The following KCNC3 variants were observed in gnomAD, a reference collection of about 807,000 sequenced individuals.
The protein encoded by KCNC3 is voltage-gated potassium channel KCNC3.
Under a neutral mutation model 43.9 loss-of-function variants are expected in KCNC3, and 22 were observed. That is an observed-to-expected ratio of 0.50 (90% CI 0.36 to 0.72). KCNC3 has a LOEUF of 0.72. Among genes scored for constraint, KCNC3 ranks in the 30% least tolerant of loss-of-function variants. The pLI, the probability that KCNC3 is intolerant of heterozygous loss-of-function variation, is 0.00. For missense variants in KCNC3, 829 were observed against 1,073.8 expected (o/e 0.77, Z 3.19); for synonymous variants, 492 against 488.0 (o/e 1.01, Z -0.11).
upstream of KCNC3, among the ~76,000 whole-genome samples, chr19:50,331,612 C>T (rs1408950482): frequency 2.1e-5 from 3 of 141,844 alleles, no homozygotes; most frequent in African/African-American, 8.0e-5. Flanking sequence ...GTATTTCCCC[C>T]TCCTTCTTCC....
chr19:50,328,990 C>G lies in KCNC3; in HGVS notation c.93G>C (p.Pro31=). ...PAPPPQPPES[P]PPPPLPPQQQ... is the part of the protein sequence containing the mutation. ...GCTGCGGCGGCAGCGGTGGCGGCGG[C>G]GGGGACTCGGGCGGCTGCGGCGGTG... The change falls in exon 1 of 5, where the codon CCG becomes CCC. Residue 31 remains proline (P), a synonymous_variant. Coordinates refer to ENST00000477616, the MANE Select transcript of KCNC3 (RefSeq NM_004977.3). The G allele has an allele frequency of 6.1e-6, 7 of 1,147,510 alleles. No homozygotes were observed. Among genetic ancestry groups the G allele is most frequent in the South Asian group, 2.9e-5 (1 of 34,412 alleles). The allele number at this position is 1,147,510 out of a possible 1,614,324, so 71.1% of individuals were successfully genotyped here.
chr19:50,318,692 G>A (rs917848498), intron 4 of KCNC3, among the ~76,000 whole-genome samples: 4 of 152,096 alleles, frequency 2.6e-5, no homozygotes, highest in South Asian at 4.1e-4. Flanking sequence ...GTTAGTTTGC[G>A]GACCCCTTAC....
Position 50,320,584 on chromosome 19 carries a change from G to A in KCNC3, c.2170+9C>T, listed in dbSNP as rs1226195799. ...GGGTCCCAGGGGATCAGTAGGGGGG[G>A]CACCTCACCTTTTCGGATGGAGCCA... On this transcript the variant is annotated intron_variant, in intron 3 of 4. Transcript: ENST00000477616. 1 of 1,609,170 alleles carries A rather than the reference G, an allele frequency of 6.2e-7. No homozygotes were observed. Among genetic ancestry groups the A allele is most frequent in the Admixed American group, 1.7e-5 (1 of 59,588 alleles).
chr19:50,320,303 G>T lies in KCNC3; in HGVS notation c.2217C>A (p.Gly739=), dbSNP rs960960693. 5 of 820,110 alleles carry T rather than the reference G, an allele frequency of 6.1e-6. No individual in the cohort carries two copies. The highest frequency in any genetic ancestry group is 8.3e-6 in the Non-Finnish European group (5 of 604,780). 50.8% of individuals were successfully genotyped at this position (820,110 alleles called of 1,614,324 possible). ...PLPPQDWRKP[G]PPSFLPDLNA... ...TGAGGTCGGGCAAGAAGCTTGGGGG[G>T]CCTGGCTTACGCCAGTCTTGGGGGG... is the stretch of plus-strand genomic sequence containing the variant. Residue 739 remains glycine, a synonymous_variant, in exon 4 of 5, where the codon GGC becomes GGA. Coordinates refer to ENST00000477616, the MANE Select transcript of KCNC3 (RefSeq NM_004977.3).
Position 50,328,121 on chromosome 19 carries a change from C to G in KCNC3, c.870+92G>C, listed in dbSNP as rs1368235930. Reference sequence around the variant, plus strand: ...TAGGAGACTGAGAAGCCTAGAGGGACCCGGAGGGTTGGAGCTGGGGCGCTC... The same window carrying G: ...TAGGAGACTGAGAAGCCTAGAGGGAGCCGGAGGGTTGGAGCTGGGGCGCTC... On this transcript the variant is annotated intron_variant, in intron 1 of 4. Coordinates refer to ENST00000477616, the MANE Select transcript of KCNC3 (RefSeq NM_004977.3). 3.1e-6 allele frequency: 3 copies of G among 963,322 alleles called. No homozygotes were observed. The Admixed American group carries it at 1.8e-4, about 59-fold the overall frequency. The allele number at this position is 963,322 out of a possible 1,614,324, so 59.7% of individuals were successfully genotyped here.
At position 50,324,068 on chromosome 19, in the gene KCNC3, G is replaced by A; in HGVS notation, c.885C>T (p.Ala295=). ...TGGAGATGAGGATGAAGAAGAGGGA[G>A]GCGAAGGCCACATACTGCAGGGCAG... ...SSRAARYVAF[A]SLFFILISIT... is the part of the protein sequence containing the mutation. The change falls in exon 2 of 5, where the codon GCC becomes GCT. Residue 295 remains alanine (A), a synonymous_variant. Coordinates refer to ENST00000477616, the MANE Select transcript of KCNC3 (RefSeq NM_004977.3). The surrounding 1 kb of genome is among the most constrained non-coding windows in gnomAD (Gnocchi z 4.1). 1 of 1,597,826 alleles carries A rather than the reference G, an allele frequency of 6.3e-7. No homozygotes were observed. The highest frequency in any genetic ancestry group is 8.5e-7 in the Non-Finnish European group (1 of 1,170,948).
chr19:50,320,612 A>G lies in KCNC3; in HGVS notation c.2151T>C (p.Pro717=), dbSNP rs2037018502. Residue 717 remains proline, a synonymous_variant, in exon 3 of 5, where the codon CCT becomes CCC. Transcript: ENST00000477616. ...CCTCACCTTTTCGGATGGAGCCATC[A>G]GGGGAAGGGGCATAGTCGGTGAGGA... is the stretch of plus-strand genomic sequence containing the variant. ...CFLLTDYAPS[P]DGSIRKATGA... 4.3e-6 allele frequency: 7 copies of G among 1,612,292 alleles called. No homozygotes were observed. The highest frequency in any genetic ancestry group is 5.9e-6 in the Non-Finnish European group (7 of 1,179,686).
In KCNC3 at chr19:50,314,770, A is replaced by T. The variant is rs1239294818; in HGVS notation, c.*1345T>A. On this transcript the variant is annotated 3_prime_UTR_variant, in exon 5 of 5. Coordinates refer to ENST00000477616, the MANE Select transcript of KCNC3 (RefSeq NM_004977.3). Reference sequence around the variant, plus strand: ...TGACTTTTTGATTTTTTTTAAAAAAACCCTTTTCCCCACCCCCCACCCCCA... The same window carrying T: ...TGACTTTTTGATTTTTTTTAAAAAATCCCTTTTCCCCACCCCCCACCCCCA... The T allele has an allele frequency of 2.3e-6, 1 of 427,014 alleles. No individual in the cohort carries two copies. Among genetic ancestry groups the T allele is most frequent in the East Asian group, 8.9e-5 (1 of 11,286 alleles). The allele number at this position is 427,014 out of a possible 1,614,324, so 26.5% of individuals were successfully genotyped here.
chr19:50,327,475 T>C (rs1455656535), intron 1 of KCNC3, among the ~76,000 whole-genome samples: 2 of 150,206 alleles, frequency 1.3e-5, no homozygotes, highest in East Asian at 3.9e-4. Context: ...CAAGAACAAG[T>C]GGAGGTTTAG....
In KCNC3 at chr19:50,328,687, G is replaced by T. The variant is rs1187130779; in HGVS notation, c.396C>A (p.Ala132=). 6.2e-7 allele frequency: 1 copy of T among 1,606,538 alleles called. No individual in the cohort carries two copies. The highest frequency in any genetic ancestry group is 1.3e-5 in the African/African-American group (1 of 74,852). ...GGTGCCGGTCAAAGAAGAACTCGTC[G>T]GCGCCCGGGTCGTAGTCGAAGCGTG... ...AAARFDYDPG[A]DEFFFDRHPG... The change falls in exon 1 of 5, where the codon GCC becomes GCA. Residue 132 remains alanine, a synonymous_variant. Coordinates refer to ENST00000477616, the MANE Select transcript of KCNC3 (RefSeq NM_004977.3).
intron 2 of KCNC3, among the ~76,000 whole-genome samples, chr19:50,322,759 T>C (rs778183824): frequency 6.6e-6 from 1 of 152,160 alleles, no homozygotes; most frequent in Non-Finnish European, 1.5e-5. Context: ...TCTGAATATC[T>C]TGCAAATCTG....
At position 50,328,331 on chromosome 19, in the gene KCNC3, C is replaced by T; in HGVS notation, c.752G>A (p.Gly251Asp). Residue 251 changes from glycine to aspartate, a missense_variant, in exon 1 of 5, where the codon GGC becomes GAC. Transcript: ENST00000477616. ...ELKRLCFQDA[G>D]GGAGGPPGGA... ...CCCTGGCGGCCCCCCGGCGCCGCCG[C>T]CCGCGTCCTGGAAGCAGAGGCGCTT... 1.7e-6 allele frequency: 2 copies of T among 1,144,516 alleles called. No individual in the cohort carries two copies. Among genetic ancestry groups the T allele is most frequent in the Non-Finnish European group, 1.1e-6 (1 of 934,834 alleles). 70.9% of individuals were successfully genotyped at this position (1,144,516 alleles called of 1,614,324 possible). A position where few individuals can be genotyped will look rare whatever the true frequency, so the allele number is the denominator to read the frequency against.
At chr19:50,333,378 C>T (rs1423026932), upstream of KCNC3, 1 of 154,224 alleles carries the variant, frequency 6.5e-6, no homozygotes, top group Non-Finnish European at 1.4e-5. Flanking sequence ...CCCCGGGGTC[C>T]TGGAATGCCA....
chr19:50,322,671 G>C (rs1448331487), intron 2 of KCNC3, among the ~76,000 whole-genome samples: 1 of 151,982 alleles, frequency 6.6e-6, no homozygotes, highest in Non-Finnish European at 1.5e-5. Context: ...CCCTCTTTCT[G>C]TGTCTCTCTG....
chr19:50,323,693 G>A lies in KCNC3; in HGVS notation c.1260C>T (p.Arg420=), dbSNP rs115066106. ...GGGTCAGCTTGAAGATGCGCAGGAT[G>A]CGGACGAAGCGGACCACCCGCAGGA... ...LGFLRVVRFV[R]ILRIFKLTRH... Residue 420 remains arginine, a synonymous_variant, in exon 2 of 5, where the codon CGC becomes CGT. Coordinates refer to ENST00000477616, the MANE Select transcript of KCNC3 (RefSeq NM_004977.3). 12 of 1,614,098 alleles carry A rather than the reference G, an allele frequency of 7.4e-6. No individual in the cohort carries two copies. The African/African-American group carries it at 1.3e-4, about 18-fold the overall frequency.
Position 50,320,706 on chromosome 19 carries a change from G to A in KCNC3, c.2057C>T (p.Ser686Phe), listed in dbSNP as rs764538909. The A allele has an allele frequency of 1.2e-6, 2 of 1,613,958 alleles. No individual in the cohort carries two copies. Among genetic ancestry groups the A allele is most frequent in the Non-Finnish European group, 1.7e-6 (2 of 1,179,954 alleles). ...CGTGATGGGGCTCTTGTCTTCCGGG[G>A]ACATGGCAGGCTGGTCAATGGCTGG... ...DCPAIDQPAM[S>F]PEDKSPITPG... Residue 686 changes from serine (S) to phenylalanine (F), a missense_variant, in exon 3 of 5, where the codon TCC becomes TTC. This residue lies in a region of KCNC3 where 308 missense variants were observed against 276.2 expected (regional missense o/e 1.11). Coordinates refer to ENST00000477616, the MANE Select transcript of KCNC3 (RefSeq NM_004977.3).
intron 4 of KCNC3, among the ~76,000 whole-genome samples, chr19:50,316,341 G>A (rs918299778): frequency 3.3e-5 from 5 of 151,776 alleles, no homozygotes; most frequent in African/African-American, 1.2e-4. Flanking sequence ...TTCTGGGGAG[G>A]AGTGGGAGCC....
At chr19:50,316,779 A>AG (rs1358454820) in intron 4 of KCNC3, among the ~76,000 whole-genome samples, 2 of 149,800 alleles carry the variant, frequency 1.3e-5, no homozygotes, top group Non-Finnish European at 3.0e-5. Flanking sequence ...TTGTGGTAGG[A>AG]GAGACTCTTG....
chr19:50,332,348 G>C (rs1347179169), upstream of KCNC3, among the ~76,000 whole-genome samples: 1 of 152,184 alleles, frequency 6.6e-6, no homozygotes, highest in Non-Finnish European at 1.5e-5. The surrounding 1 kb of genome is among the most constrained non-coding windows in gnomAD (Gnocchi z 5.8). Flanking sequence ...TTTTTGCAGA[G>C]GTCAGAAGTG....
Sources: allele counts gnomAD v4.1 joint callset (sites outside exome capture counted in the v4.1 genomes callset), GRCh38; gene constraint gnomAD v4.1.1; regional missense constraint gnomAD v4.1.1; non-coding constraint Gnocchi (gnomAD v3.1); transcripts MANE v1.5; gene names NCBI Gene and HGNC (gene_info 2026-07-23, HGNC 2026-07-21).